NCOA2: variants seen among roughly 807,000 people sequenced by gnomAD.
The protein encoded by NCOA2 is nuclear receptor coactivator 2.
In NCOA2, 21 loss-of-function variants were observed where a neutral mutation model predicts 145.1. The ratio of observed to expected loss-of-function variants is 0.14; its 90% CI spans 0.10 to 0.21. The LOEUF (loss-of-function observed/expected upper bound fraction) is 0.21. Among genes scored for constraint, NCOA2 ranks in the 10% least tolerant of loss-of-function variants. The pLI, the probability that NCOA2 is intolerant of heterozygous loss-of-function variation, is 1.00. For synonymous variants in NCOA2, 619 were observed against 637.5 expected, an observed-to-expected ratio of 0.97 and a Z score of 0.44; for missense variants, 1,472 against 1,837.6, an observed-to-expected ratio of 0.80 and a Z score of 3.64.
chr8:70,372,216 T>C (rs1586623130), intron 1 of NCOA2, among the ~76,000 whole-genome samples: 2 of 152,288 alleles, frequency 1.3e-5, no homozygotes, highest in East Asian at 3.9e-4. Context: ...TAAAACATTA[T>C]TTCTGGAAAC....
intron 1 of NCOA2, among the ~76,000 whole-genome samples, chr8:70,330,769 G>C (rs1362074257): frequency 6.6e-6 from 1 of 152,088 alleles, no homozygotes; most frequent in Non-Finnish European, 1.5e-5. Context: ...ACAAGAAAAA[G>C]ACAGGTTATG....
chr8:70,306,596 C>G (rs1042778512), intron 1 of NCOA2, among the ~76,000 whole-genome samples: 1 of 152,106 alleles, frequency 6.6e-6, no homozygotes, highest in African/African-American at 2.4e-5. Context: ...ATTTTACATG[C>G]TGGTCGGGCT....
intron 1 of NCOA2, among the ~76,000 whole-genome samples, chr8:70,320,505 A>G (rs1805956196): frequency 6.6e-6 from 1 of 152,278 alleles, no homozygotes; most frequent in East Asian, 1.9e-4. Flanking sequence ...GGTTTTATTA[A>G]GAGAAAAAGA....
rs959451373 is a variant in NCOA2, at chr8:70,224,406, T to C, written c.-19-7642A>G. Among the ~76,000 whole-genome samples the C allele has an allele frequency of 7.9e-5, 12 of 152,334 alleles. No individual in the cohort carries two copies. The East Asian group carries it at 2.3e-3, about 29-fold the overall frequency. On this transcript the variant is annotated intron_variant, in intron 2 of 22. Transcript: ENST00000452400. ...CATACTACACCTTAATAATTTCCTT[T>C]TAATTTTAAACATATAAATGTAACT...
At chr8:70,128,674 A>G in intron 17 of NCOA2, 28 bp downstream of exon 17, 1 of 1,608,998 alleles carries the variant, frequency 6.2e-7, no homozygotes, top group African/African-American at 1.3e-5. Context: ...AGCACCCCTG[A>G]CTTCCCAGGT....
At chr8:70,134,164 A>G (rs1162853552) in intron 15 of NCOA2, among the ~76,000 whole-genome samples, 1 of 152,146 alleles carries the variant, frequency 6.6e-6, no homozygotes, top group Admixed American at 6.5e-5. Context: ...AACTTTCTTT[A>G]AACCAAATGT....
chr8:70,443,852 G>A, the NCOA2 span, among the ~76,000 whole-genome samples: 11 of 152,020 alleles, frequency 7.2e-5, no homozygotes, highest in South Asian at 1.5e-3. Context: ...TGCAATTACC[G>A]GCTATAATAT....
chr8:70,248,880 C>T (rs1822850646), intron 2 of NCOA2, among the ~76,000 whole-genome samples: 1 of 151,174 alleles, frequency 6.6e-6, no homozygotes, highest in Non-Finnish European at 1.5e-5. Context: ...ACAATTTGTC[C>T]CTTTTCACTG....
intron 4 of NCOA2, among the ~76,000 whole-genome samples, chr8:70,209,017 A>T (rs1818751208): frequency 6.6e-6 from 1 of 152,250 alleles, no homozygotes; most frequent in Admixed American, 6.5e-5. Flanking sequence ...GTACAAAGAA[A>T]AATATTCTGG....
intron 4 of NCOA2, among the ~76,000 whole-genome samples, chr8:70,178,161 T>C (rs1815074539): frequency 6.6e-6 from 1 of 152,238 alleles, no homozygotes; most frequent in Non-Finnish European, 1.5e-5. Flanking sequence ...TTCTAAATTC[T>C]AGCAATGTGC....
intron 21 of NCOA2, 119 bp downstream of exon 21, chr8:70,123,765 T>TC: frequency 1.3e-6 from 1 of 785,212 alleles, no homozygotes; most frequent in Non-Finnish European, 1.9e-6. Flanking sequence ...AAAACACTCC[T>TC]CAAAGTAAAT....
At chr8:70,275,652 A>G (rs1253440277) in intron 2 of NCOA2, among the ~76,000 whole-genome samples, 4 of 152,196 alleles carry the variant, frequency 2.6e-5, no homozygotes. Context: ...ATTTTGAATT[A>G]ATGTTTCTAA....
chr8:70,322,124 G>T (rs1806132930), intron 1 of NCOA2, among the ~76,000 whole-genome samples: 1 of 149,184 alleles, frequency 6.7e-6, no homozygotes, highest in South Asian at 2.1e-4. Flanking sequence ...TCCAGAGGGG[G>T]AAAAAAAAAC....
At chr8:70,330,808 G>A (rs1027799103) in intron 1 of NCOA2, among the ~76,000 whole-genome samples, 34 of 152,276 alleles carry the variant, frequency 2.2e-4, no homozygotes, top group Non-Finnish European at 4.7e-4. Context: ...GTATGGCTGT[G>A]TGCAATACAC....
At chr8:70,429,994 A>G in the NCOA2 span, among the ~76,000 whole-genome samples, 1 of 152,144 alleles carries the variant, frequency 6.6e-6, no homozygotes, top group Non-Finnish European at 1.5e-5. Context: ...CAGGGATTAC[A>G]GGAGTGTGCC....
chr8:70,126,730 G>A (rs1490257706), intron 19 of NCOA2, 83 bp downstream of exon 19: 4 of 1,153,748 alleles, frequency 3.5e-6, no homozygotes, highest in Non-Finnish European at 5.1e-6. Flanking sequence ...GCAAAGAGCT[G>A]TGAGAGAGGA....
At position 70,159,247 on chromosome 8, in the gene NCOA2, T is replaced by A. The variant is rs1462230286; in HGVS notation, c.1124+258A>T. Among the ~76,000 whole-genome samples the A allele has an allele frequency of 8.7e-3, 572 of 66,056 alleles. 12 individuals are homozygous for A. Among genetic ancestry groups the A allele is most frequent in the Middle Eastern group, 0.016 (2 of 128 alleles). The allele number at this position is 66,056 out of a possible 152,430, so 43.3% of individuals were successfully genotyped here. A position where few individuals can be genotyped will look rare whatever the true frequency, so the allele number is the denominator to read the frequency against. ...TTATATATATATATATATATATTTTTTTTTTTTTCCCCCAAATATTTTCCA... is the reference window on the plus strand; with the variant it reads ...TTATATATATATATATATATATTTTATTTTTTTTCCCCCAAATATTTTCCA... On this transcript the variant is annotated intron_variant, in intron 10 of 22. Transcript: ENST00000452400.
In NCOA2 at chr8:70,180,247, C is replaced by T. The variant is rs189320044; in HGVS notation, c.260-5388G>A. On this transcript the variant is annotated intron_variant, in intron 4 of 22. Coordinates refer to ENST00000452400, the MANE Select transcript of NCOA2 (RefSeq NM_006540.4). ...GAAGTAGCTATGATCTTTTTAATAG[C>T]GCCCAGTTTTACAAATGCAAAACCT... 3.3e-3 allele frequency among the ~76,000 whole-genome samples: 509 copies of T among 152,300 alleles called. 3 individuals carry two copies. Among genetic ancestry groups the T allele is most frequent in the African/African-American group, 0.011 (470 of 41,560 alleles).
the NCOA2 span, among the ~76,000 whole-genome samples, chr8:70,454,321 G>A: frequency 6.6e-6 from 1 of 152,202 alleles, no homozygotes; most frequent in East Asian, 1.9e-4. Context: ...CGGCAGCTCT[G>A]AACTGTTCTT....
Sources: allele counts gnomAD v4.1 joint callset (sites outside exome capture counted in the v4.1 genomes callset), GRCh38; gene constraint gnomAD v4.1.1; transcripts MANE v1.5; gene names NCBI Gene and HGNC (gene_info 2026-07-23, HGNC 2026-07-21).